The following GALNT13 variants were observed in gnomAD, a reference collection of about 807,000 sequenced individuals.
GALNT13 encodes the protein polypeptide N-acetylgalactosaminyltransferase 13.
Under a neutral mutation model 64.2 loss-of-function variants are expected in GALNT13, and 28 were observed. The observed-to-expected ratio is 0.44, with a 90% CI of 0.32 to 0.60. GALNT13 has a LOEUF of 0.60. GALNT13 is among the 20% of genes least tolerant of loss of function. The pLI is 0.05. For missense variants in GALNT13, 577 were observed against 669.8 expected (o/e 0.86, Z 1.53); for synonymous variants, 214 against 224.6 (o/e 0.95, Z 0.42).
the GALNT13 span, among the ~76,000 whole-genome samples, chr2:153,770,696 T>G: frequency 1.3e-5 from 2 of 152,214 alleles, no homozygotes; most frequent in Admixed American, 6.5e-5. Context: ...GTATACTTAT[T>G]CCTTGTTTAC....
the GALNT13 span, among the ~76,000 whole-genome samples, chr2:153,828,631 AT>A: frequency 1.3e-5 from 2 of 152,132 alleles, no homozygotes; most frequent in Admixed American, 1.3e-4. Context: ...CAGTCGTGTG[AT>A]GGAAGGGGCT....
chr2:153,296,478 G>A, the GALNT13 span, among the ~76,000 whole-genome samples: 8 of 152,166 alleles, frequency 5.3e-5, no homozygotes, highest in South Asian at 4.1e-4. Flanking sequence ...GTTTAATGTC[G>A]TTTTAGTAAT....
the GALNT13 span, among the ~76,000 whole-genome samples, chr2:153,507,800 C>T: frequency 0.58 from 87,433 of 152,026 alleles, 28,035 homozygotes; most frequent in African/African-American, 0.85. Flanking sequence ...GGGTGGACTA[C>T]GTCAGAGGGA....
At chr2:154,036,986 C>CTAA (rs1183834746) in intron 3 of GALNT13, among the ~76,000 whole-genome samples, 1 of 152,022 alleles carries the variant, frequency 6.6e-6, no homozygotes, top group African/African-American at 2.4e-5. Flanking sequence ...ATAAAAGTGC[C>CTAA]TAATAAACAA....
At chr2:153,294,743 T>C in the GALNT13 span, among the ~76,000 whole-genome samples, 1 of 152,116 alleles carries the variant, frequency 6.6e-6, no homozygotes, top group Admixed American at 6.6e-5. Flanking sequence ...AAAGCTAGAG[T>C]ATCACTTGAC....
intron 8 of GALNT13, chr2:154,287,395 G>A (rs927700706): frequency 4.0e-6 from 2 of 496,648 alleles, no homozygotes; most frequent in Admixed American, 2.7e-5. Flanking sequence ...TGCCTGTGGG[G>A]CAGTCCATGC....
chr2:154,401,990 A>G (rs1384711311), intron 10 of GALNT13, among the ~76,000 whole-genome samples: 1 of 152,196 alleles, frequency 6.6e-6, no homozygotes, highest in Non-Finnish European at 1.5e-5. Context: ...CATATCCACA[A>G]GAGCAATCAT....
chr2:153,463,495 C>G, the GALNT13 span, among the ~76,000 whole-genome samples: 8 of 151,980 alleles, frequency 5.3e-5, no homozygotes, highest in Non-Finnish European at 1.2e-4. Flanking sequence ...CGCCTATAGC[C>G]AAACAAAGTC....
chr2:153,401,339 C>A, the GALNT13 span, among the ~76,000 whole-genome samples: 4 of 151,868 alleles, frequency 2.6e-5, no homozygotes, highest in African/African-American at 9.7e-5. Flanking sequence ...GAGAGCTTTA[C>A]TTCCAAGTAA....
intron 4 of GALNT13, among the ~76,000 whole-genome samples, chr2:154,158,904 C>A (rs961371553): frequency 6.6e-6 from 1 of 151,952 alleles, no homozygotes; most frequent in Admixed American, 6.6e-5. Context: ...TCTCTAAATT[C>A]TTCTTTGGCC....
intron 11 of GALNT13, among the ~76,000 whole-genome samples, chr2:154,434,590 AT>A: frequency 6.6e-6 from 1 of 152,272 alleles, no homozygotes; most frequent in East Asian, 1.9e-4. Flanking sequence ...CACCTGTATC[AT>A]TATCACCGTC....
chr2:153,833,867 T>C, the GALNT13 span, among the ~76,000 whole-genome samples: 1 of 152,110 alleles, frequency 6.6e-6, no homozygotes, highest in Non-Finnish European at 1.5e-5. Context: ...AATATGGTGG[T>C]AGCTTGGGGA....
At chr2:154,348,333 T>C (rs182013902) in intron 9 of GALNT13, among the ~76,000 whole-genome samples, 65 of 152,238 alleles carry the variant, frequency 4.3e-4, no homozygotes, top group African/African-American at 1.4e-3. Context: ...TTCTTTAGCA[T>C]ATTTGTTAAA....
the GALNT13 span, among the ~76,000 whole-genome samples, chr2:153,106,467 G>A: frequency 6.6e-6 from 1 of 152,132 alleles, no homozygotes; most frequent in African/African-American, 2.4e-5. Context: ...CCAGAGAGTA[G>A]TGGCTAAGTC....
chr2:154,187,456 GA>G (rs1686319853), intron 4 of GALNT13, among the ~76,000 whole-genome samples: 2 of 151,432 alleles, frequency 1.3e-5, no homozygotes, highest in African/African-American at 4.8e-5. Context: ...AATCCACTCT[GA>G]GGGGTATCAG....
downstream of GALNT13, among the ~76,000 whole-genome samples, chr2:154,455,587 AATC>A (rs1315920147): frequency 2.5e-4 from 1 of 3,982 alleles, no homozygotes; most frequent in Non-Finnish European, 8.2e-4. Flanking sequence ...GAATAGGTGA[AATC>A]AGCCCCTTAT....
At chr2:154,203,097 G>A (rs761594963) in intron 4 of GALNT13, among the ~76,000 whole-genome samples, 2 of 152,088 alleles carry the variant, frequency 1.3e-5, no homozygotes, top group Non-Finnish European at 2.9e-5. Flanking sequence ...CCAAGCAGAA[G>A]TATCCCAGAA....
chr2:153,464,041 T>A, the GALNT13 span, among the ~76,000 whole-genome samples: 1 of 151,982 alleles, frequency 6.6e-6, no homozygotes, highest in East Asian at 1.9e-4. Context: ...AAAGCTGTGG[T>A]TCTCTGGACA....
At chr2:153,418,996 T>C in the GALNT13 span, among the ~76,000 whole-genome samples, 3 of 152,176 alleles carry the variant, frequency 2.0e-5, no homozygotes, top group Non-Finnish European at 2.9e-5. Flanking sequence ...CTCCATACCA[T>C]AGATTAAAAA....
Sources: gnomAD v4.1 joint callset for allele counts (sites outside exome capture counted in the v4.1 genomes callset) on GRCh38, gnomAD v4.1.1 for gene constraint, MANE v1.5 for transcripts, NCBI Gene and HGNC (gene_info 2026-07-23, HGNC 2026-07-21) for gene names.